The following PDE10A variants were observed in gnomAD, a reference collection of about 807,000 sequenced individuals.
PDE10A encodes phosphodiesterase 10A.
In PDE10A, 39 loss-of-function variants were observed where a neutral mutation model predicts 97.7. The observed-to-expected ratio is 0.40, with a 90% CI of 0.31 to 0.52. The LOEUF is 0.52. Ranked by LOEUF, PDE10A falls within the 20% of genes least tolerant of loss-of-function variation. The pLI is 0.56. For synonymous variants in PDE10A, 371 were observed against 376.8 expected (o/e 0.98, Z 0.18); for missense variants, 731 against 1,047.8 (o/e 0.70, Z 4.17).
In PDE10A at chr6:165,619,659, A is replaced by ATAGTCTAGTG. The variant is rs1554296842; in HGVS notation, c.865+42278_865+42287dup. On this transcript the variant is annotated intron_variant, in intron 1 of 21. Transcript: ENST00000539869. Reference sequence around the variant, plus strand: ...GTAGTGTAGTATAGTCTAGTGTAGTATAGTCTAGTGTAGTGTAGTCTAGTG... The same window carrying ATAGTCTAGTG: ...GTAGTGTAGTATAGTCTAGTGTAGTATAGTCTAGTGTAGTCTAGTGTAGTGTAGTCTAGTG... Among the ~76,000 whole-genome samples, 158 of 66,404 alleles carry ATAGTCTAGTG rather than the reference A, an allele frequency of 2.4e-3. 7 individuals carry two copies. Among genetic ancestry groups the ATAGTCTAGTG allele is most frequent in the African/African-American group, 5.9e-3 (154 of 25,994 alleles). The allele number at this position is 66,404 out of a possible 152,430, so 43.6% of individuals were successfully genotyped here.
intron 1 of PDE10A, among the ~76,000 whole-genome samples, chr6:165,845,558 A>G (rs1583181627): frequency 1.3e-5 from 2 of 152,208 alleles, no homozygotes; most frequent in East Asian, 3.8e-4. Flanking sequence ...AAACAGTGCT[A>G]GTGCTAATCA....
At chr6:165,664,324 T>C (rs957216175), upstream of PDE10A, among the ~76,000 whole-genome samples, 1 of 152,100 alleles carries the variant, frequency 6.6e-6, no homozygotes, top group Non-Finnish European at 1.5e-5. Flanking sequence ...GATTCCTCAC[T>C]AGTCGATGCT....
intron 3 of PDE10A, among the ~76,000 whole-genome samples, chr6:165,475,012 C>G (rs1779217673): frequency 6.6e-6 from 1 of 152,082 alleles, no homozygotes; most frequent in South Asian, 2.1e-4. Flanking sequence ...ATCCCTGGAC[C>G]TCATCCCCTG....
chr6:165,445,892 T>TAG (rs145999232), intron 5 of PDE10A, among the ~76,000 whole-genome samples: 44,667 of 144,652 alleles, frequency 0.31, 7,364 homozygotes, highest in East Asian at 0.44. Flanking sequence ...AATTCACAGT[T>TAG]AGAGAGAGAG....
intron 1 of PDE10A, 60 bp from the exon 2 acceptor site, chr6:165,543,628 G>C: frequency 7.4e-7 from 1 of 1,346,050 alleles, no homozygotes; most frequent in South Asian, 1.3e-5. Flanking sequence ...TCAATGAAAG[G>C]TATAGTATCA....
intron 1 of PDE10A, among the ~76,000 whole-genome samples, chr6:165,944,122 A>G (rs747712300): frequency 3.9e-4 from 60 of 152,230 alleles, no homozygotes; most frequent in Non-Finnish European, 6.6e-4. Flanking sequence ...ATAAGTGCTG[A>G]ACAAAAAGGG....
chr6:165,684,461 C>T (rs1389574344), intron 1 of PDE10A, among the ~76,000 whole-genome samples: 1 of 152,222 alleles, frequency 6.6e-6, no homozygotes, highest in Non-Finnish European at 1.5e-5. Context: ...GCCGCCATCT[C>T]CTGGGTGGCT....
At chr6:165,809,916 G>A (rs1432294821) in intron 1 of PDE10A, among the ~76,000 whole-genome samples, 1 of 152,178 alleles carries the variant, frequency 6.6e-6, no homozygotes, top group Non-Finnish European at 1.5e-5. Flanking sequence ...CCAAAGCCCA[G>A]ACCTGACTAT....
At chr6:165,600,498 TA>T (rs2128394723) in intron 1 of PDE10A, among the ~76,000 whole-genome samples, 1 of 152,360 alleles carries the variant, frequency 6.6e-6, no homozygotes, top group Admixed American at 6.5e-5. Flanking sequence ...CATACACATG[TA>T]AATGTTCTGA....
chr6:165,559,220 T>C (rs1191036799), intron 1 of PDE10A, among the ~76,000 whole-genome samples: 1 of 152,164 alleles, frequency 6.6e-6, no homozygotes, highest in East Asian at 1.9e-4. Context: ...TCTGCTTAAA[T>C]GTAGTTGCCC....
intron 1 of PDE10A, among the ~76,000 whole-genome samples, chr6:165,769,285 G>GTAGC (rs1777943084): frequency 6.6e-6 from 1 of 152,186 alleles, no homozygotes; most frequent in South Asian, 2.1e-4. Flanking sequence ...ATAACCACAT[G>GTAGC]TAGCTGGTGG....
chr6:165,922,876 C>G (rs1303514628), intron 1 of PDE10A, among the ~76,000 whole-genome samples: 1 of 152,210 alleles, frequency 6.6e-6, no homozygotes, highest in Admixed American at 6.5e-5. Context: ...GAGCCTAAGC[C>G]ACCTTCCGGG....
chr6:165,379,117 C>A, intron 18 of PDE10A, 77 bp downstream of exon 18: 1 of 964,560 alleles, frequency 1.0e-6, no homozygotes, highest in Non-Finnish European at 1.6e-6. Flanking sequence ...AAGCTTACGC[C>A]ACATTACATT....
intron 1 of PDE10A, among the ~76,000 whole-genome samples, chr6:165,713,363 A>C (rs979212608): frequency 6.6e-6 from 1 of 152,254 alleles, no homozygotes; most frequent in Non-Finnish European, 1.5e-5. Flanking sequence ...ACCAGTGACT[A>C]GGAGAAATAA....
At chr6:165,488,770 C>T (rs925529140) in intron 2 of PDE10A, among the ~76,000 whole-genome samples, 6 of 152,136 alleles carry the variant, frequency 3.9e-5, no homozygotes, top group African/African-American at 1.4e-4. Flanking sequence ...GTGTGAGCTG[C>T]AGGCTCCACG....
At chr6:165,373,045 G>T (rs1192362571) in intron 18 of PDE10A, among the ~76,000 whole-genome samples, 1 of 147,628 alleles carries the variant, frequency 6.8e-6, no homozygotes, top group Non-Finnish European at 1.5e-5. Context: ...GCTGAAACTG[G>T]ATCCCTTCCT....
chr6:165,937,244 A>G (rs1268417249), intron 1 of PDE10A, among the ~76,000 whole-genome samples: 2 of 152,228 alleles, frequency 1.3e-5, no homozygotes, highest in African/African-American at 2.4e-5. Context: ...GGAAGGGTTC[A>G]TGTGGCACCT....
chr6:165,689,335 G>C (rs1420620435), intron 1 of PDE10A, among the ~76,000 whole-genome samples: 1 of 152,196 alleles, frequency 6.6e-6, no homozygotes, highest in Non-Finnish European at 1.5e-5. Context: ...ATCCCCTAGA[G>C]AGTGCAAAAT....
intron 1 of PDE10A, among the ~76,000 whole-genome samples, chr6:165,582,485 T>C (rs906028949): frequency 3.3e-5 from 5 of 152,160 alleles, no homozygotes; most frequent in African/African-American, 4.8e-5. Flanking sequence ...AATGATCTAA[T>C]TGTCAAGTCT....
Sources: gnomAD v4.1 joint callset for allele counts (sites outside exome capture counted in the v4.1 genomes callset) on GRCh38, gnomAD v4.1.1 for gene constraint, MANE v1.5 for transcripts, NCBI Gene and HGNC (gene_info 2026-07-23, HGNC 2026-07-21) for gene names.